TBC1D5: variants seen among roughly 807,000 people sequenced by gnomAD.
TBC1D5 encodes TBC1 domain family, member 5.
A neutral mutation model predicts 100.3 loss-of-function variants in TBC1D5; 75 were observed. The observed-to-expected ratio is 0.75, with a 90% CI of 0.62 to 0.91. The LOEUF (loss-of-function observed/expected upper bound fraction) is 0.91, where lower values mean the gene tolerates loss of function less well. Among genes scored for constraint, TBC1D5 ranks in the 40% least tolerant of loss-of-function variants. TBC1D5 has a pLI of 0.00. For synonymous variants in TBC1D5, 323 were observed against 325.6 expected (o/e 0.99, Z 0.09); for missense variants, 910 against 942.4 (o/e 0.97, Z 0.45).
chr3:17,164,607 C>G (rs887535049), intron 21 of TBC1D5, among the ~76,000 whole-genome samples: 5 of 152,326 alleles, frequency 3.3e-5, no homozygotes, highest in Middle Eastern at 3.4e-3. Flanking sequence ...CTGGGGGTAG[C>G]CTGTCCACGG....
At chr3:17,346,252 T>C (rs1350695022) in intron 13 of TBC1D5, among the ~76,000 whole-genome samples, 1 of 152,180 alleles carries the variant, frequency 6.6e-6, no homozygotes, top group Non-Finnish European at 1.5e-5. Flanking sequence ...CATGAAACCT[T>C]CCAAATATGG....
chr3:17,338,235 C>T (rs984724858), intron 13 of TBC1D5, among the ~76,000 whole-genome samples: 3 of 152,012 alleles, frequency 2.0e-5, no homozygotes, highest in African/African-American at 4.8e-5. Flanking sequence ...ACTGAAGATG[C>T]CAATGAATTT....
intron 2 of TBC1D5, among the ~76,000 whole-genome samples, chr3:17,588,172 T>A (rs2096744166): frequency 6.6e-6 from 1 of 150,410 alleles, no homozygotes; most frequent in South Asian, 2.1e-4. Flanking sequence ...ACTGCCAACA[T>A]CCTTAATTAA....
chr3:17,285,031 T>A (rs898464668), intron 15 of TBC1D5, among the ~76,000 whole-genome samples: 5 of 151,606 alleles, frequency 3.3e-5, no homozygotes, highest in African/African-American at 1.2e-4. Context: ...AGAATGGCAG[T>A]TTTCTAAGAA....
intron 2 of TBC1D5, among the ~76,000 whole-genome samples, chr3:17,587,207 A>C (rs1204183471): frequency 6.6e-6 from 1 of 152,070 alleles, no homozygotes; most frequent in Non-Finnish European, 1.5e-5. Flanking sequence ...CTGTAAGAAT[A>C]ACAACTAAAT....
At chr3:17,528,563 A>G (rs1045465619) in intron 2 of TBC1D5, among the ~76,000 whole-genome samples, 13 of 152,158 alleles carry the variant, frequency 8.5e-5, no homozygotes, top group African/African-American at 2.7e-4. Context: ...AGCAGCACAA[A>G]TGGAGTAAGA....
At chr3:17,581,629 T>C (rs1032338731) in intron 2 of TBC1D5, among the ~76,000 whole-genome samples, 4 of 152,194 alleles carry the variant, frequency 2.6e-5, no homozygotes, top group Admixed American at 6.5e-5. Context: ...CATTAGCAAA[T>C]ACTGTTACTC....
rs926798400 is a variant in TBC1D5, at chr3:17,178,140, A to T, written c.1852+6969T>A. 9.8e-5 allele frequency among the ~76,000 whole-genome samples: 14 copies of T among 142,182 alleles called. No individual in the cohort carries two copies. The Admixed American group carries it at 1.0e-3, about 10-fold the overall frequency. 93.3% of individuals were successfully genotyped at this position (142,182 alleles called of 152,430 possible). On this transcript the variant is annotated intron_variant, in intron 19 of 21. Transcript: ENST00000253692. The stretch of plus-strand genomic sequence containing the variant: ...GAGTGCAGTGGCGCGATCTCGGCTC[A>T]CTGCAAGCTCTGCCTCCTGGGTTCA...
At chr3:17,189,080 C>T (rs1336273784) in intron 18 of TBC1D5, among the ~76,000 whole-genome samples, 4 of 152,148 alleles carry the variant, frequency 2.6e-5, no homozygotes, top group Non-Finnish European at 1.5e-5. Context: ...TTCCTTAATT[C>T]CTTGGTCTAC....
At chr3:17,628,373 G>GAAA (rs34506883) in intron 1 of TBC1D5, among the ~76,000 whole-genome samples, 1 of 122,362 alleles carries the variant, frequency 8.2e-6, no homozygotes, top group East Asian at 2.4e-4. Flanking sequence ...TCTGTCTTAG[G>GAAA]AAAAAAAAAA....
At chr3:17,508,366 C>A (rs1413420231) in intron 3 of TBC1D5, 108 bp downstream of exon 3, 6 of 826,602 alleles carry the variant, frequency 7.3e-6, no homozygotes, top group African/African-American at 1.7e-5. Context: ...GGCCTGCTCA[C>A]TTCATCAAAA....
At chr3:17,301,975 T>C (rs576576456) in intron 14 of TBC1D5, among the ~76,000 whole-genome samples, 6 of 152,312 alleles carry the variant, frequency 3.9e-5, no homozygotes, top group South Asian at 2.1e-4. Context: ...TTTTAATCCA[T>C]ATAATTCAGC....
chr3:17,499,482 C>T (rs780039210), intron 3 of TBC1D5, among the ~76,000 whole-genome samples: 2 of 138,324 alleles, frequency 1.4e-5, no homozygotes, highest in Non-Finnish European at 3.0e-5. Flanking sequence ...CCCATGTGGG[C>T]GGATCACTTG....
intron 13 of TBC1D5, among the ~76,000 whole-genome samples, chr3:17,315,625 G>A (rs184364266): frequency 2.2e-3 from 328 of 152,312 alleles, no homozygotes; most frequent in African/African-American, 7.5e-3. Flanking sequence ...ATTACTATCA[G>A]CTCTGTGATG....
At position 17,496,770 on chromosome 3, in the gene TBC1D5, G is replaced by C. The variant is rs113539440; in HGVS notation, c.97+11704C>G. Among the ~76,000 whole-genome samples, 1,014 of 152,128 alleles carry C rather than the reference G, an allele frequency of 6.7e-3. 5 individuals carry two copies. The highest frequency in any genetic ancestry group is 0.023 in the African/African-American group (937 of 41,478). Reference sequence around the variant, plus strand: ...TTAAATGCCTACCACCAAGTCAAAAGGAAATATATTTTAAAATAGCTATCA... The same window carrying C: ...TTAAATGCCTACCACCAAGTCAAAACGAAATATATTTTAAAATAGCTATCA... On this transcript the variant is annotated intron_variant, in intron 3 of 21. Coordinates refer to ENST00000253692, the Ensembl canonical transcript of TBC1D5.
chr3:17,364,396 G>C (rs1225544531), intron 13 of TBC1D5, among the ~76,000 whole-genome samples: 1 of 152,050 alleles, frequency 6.6e-6, no homozygotes, highest in East Asian at 1.9e-4. Context: ...ATATATTAAT[G>C]AATAAGACAG....
At chr3:17,723,474 A>AT (rs2075862625) in intron 1 of TBC1D5, among the ~76,000 whole-genome samples, 2 of 152,240 alleles carry the variant, frequency 1.3e-5, no homozygotes, top group South Asian at 4.1e-4. Context: ...GGAGTAATGT[A>AT]TTGGTAAAAG....
chr3:17,543,017 C>T (rs1310193137), intron 2 of TBC1D5, among the ~76,000 whole-genome samples: 1 of 151,898 alleles, frequency 6.6e-6, no homozygotes, highest in East Asian at 1.9e-4. Flanking sequence ...TTTAACACAG[C>T]AAAACACTGA....
intron 1 of TBC1D5, among the ~76,000 whole-genome samples, chr3:17,710,341 G>A (rs995508202): frequency 1.3e-5 from 2 of 152,020 alleles, no homozygotes; most frequent in Non-Finnish European, 2.9e-5. Context: ...GAGGTGGGTG[G>A]TTCACTTGAG....
Sources: allele counts gnomAD v4.1 joint callset (sites outside exome capture counted in the v4.1 genomes callset), GRCh38; gene constraint gnomAD v4.1.1; transcripts MANE v1.5; gene names NCBI Gene and HGNC (gene_info 2026-07-23, HGNC 2026-07-21).